The following CBR4 variants were observed in gnomAD, a reference collection of about 807,000 sequenced individuals.
The protein encoded by CBR4 is carbonyl reductase 4.
CBR4 carries 22 observed loss-of-function variants against 21.0 expected under a neutral mutation model. The ratio of observed to expected loss-of-function variants is 1.05; its 90% CI spans 0.75 to 1.50. The LOEUF is 1.50. Ranked by LOEUF, CBR4 falls within the 40% of genes most tolerant of loss-of-function variation. The pLI is 0.00. For synonymous variants in CBR4, 100 were observed against 104.4 expected (o/e 0.96, Z 0.26); for missense variants, 302 against 286.3 (o/e 1.05, Z -0.40).
At chr4:168,905,408 A>G (rs1757509411) in intron 2 of CBR4, among the ~76,000 whole-genome samples, 1 of 151,650 alleles carries the variant, frequency 6.6e-6, no homozygotes. Context: ...TCGGCCTCCC[A>G]AAGTGTTAGC....
chr4:168,947,861 A>G (rs922728704), intron 2 of CBR4, among the ~76,000 whole-genome samples: 1 of 152,200 alleles, frequency 6.6e-6, no homozygotes, highest in Non-Finnish European at 1.5e-5. Flanking sequence ...TCTTTTTCAT[A>G]TAATGACTTC....
chr4:168,971,369 A>G (rs950152157), intron 2 of CBR4, among the ~76,000 whole-genome samples: 2 of 151,698 alleles, frequency 1.3e-5, no homozygotes, highest in African/African-American at 4.8e-5. Flanking sequence ...CCCAGGTTCA[A>G]GCAATCCTCC....
chr4:168,898,748 T>C (rs1369883850), intron 2 of CBR4: 20 of 1,405,580 alleles, frequency 1.4e-5, no homozygotes, highest in Non-Finnish European at 1.9e-5. Context: ...TTAAGAGTCA[T>C]TCTCTGAGGA....
Position 169,009,272 on chromosome 4 carries a change from A to G in CBR4, c.142+676T>C, listed in dbSNP as rs150857323. 4.9e-3 allele frequency among the ~76,000 whole-genome samples: 739 copies of G among 152,340 alleles called. 6 individuals are homozygous for G. The highest frequency in any genetic ancestry group is 5.5e-3 in the Admixed American group (84 of 15,306). Reference sequence around the variant, plus strand: ...TCACAAAATGACTAATCCATTCATAATAAGCCGGAAATAAAAAACCCTGAA... The same window carrying G: ...TCACAAAATGACTAATCCATTCATAGTAAGCCGGAAATAAAAAACCCTGAA... On this transcript the variant is annotated intron_variant, in intron 1 of 4. Coordinates refer to ENST00000306193, the MANE Select transcript of CBR4 (RefSeq NM_032783.5).
chr4:168,924,346 A>T lies in CBR4; in HGVS notation n.170-29581T>A, dbSNP rs781516286. 3.5e-5 allele frequency: 56 copies of T among 1,613,862 alleles called. No homozygotes were observed. In the South Asian group the frequency reaches 6.0e-4, roughly 17 times the overall value. The stretch of plus-strand genomic sequence containing the variant: ...ACCCAGTGCGGCTGGAATGTCGTGT[A>T]TTGGGAGTGCCACCACCTCAGATAT... On this transcript the variant is annotated intron_variant and non_coding_transcript_variant, in intron 2 of 3. Transcript: ENST00000509108.
At chr4:168,915,307 C>G (rs954618567) in intron 2 of CBR4, among the ~76,000 whole-genome samples, 2 of 152,162 alleles carry the variant, frequency 1.3e-5, no homozygotes, top group African/African-American at 4.8e-5. Flanking sequence ...AAAGGTTTCT[C>G]TGGCAACCTT....
At chr4:169,003,577 T>TA (rs1229246213) in intron 3 of CBR4, among the ~76,000 whole-genome samples, 1 of 152,242 alleles carries the variant, frequency 6.6e-6, no homozygotes, top group African/African-American at 2.4e-5. Flanking sequence ...CTCCAATTTT[T>TA]AAAGATCTAC....
At chr4:168,963,454 A>C (rs1763921212) in intron 2 of CBR4, among the ~76,000 whole-genome samples, 1 of 151,734 alleles carries the variant, frequency 6.6e-6, no homozygotes. Context: ...GCAAATTCAG[A>C]AACTCCTGTA....
rs913312324 is a variant in CBR4 at position 168,987,787 on chromosome 4, C to T, written c.*2363G>A. The T allele has an allele frequency of 3.0e-6, 3 of 984,016 alleles. No individual in the cohort carries two copies. In the Admixed American group the frequency reaches 1.8e-4, roughly 61 times the overall value. The allele number at this position is 984,016 out of a possible 1,614,324, so 61.0% of individuals were successfully genotyped here. ...AACAGAAGCACGTAAATTAAATTAT[C>T]CTCTTTGCACAATTATTCCCCCCAA... On this transcript the variant is annotated 3_prime_UTR_variant, in exon 5 of 5. Transcript: ENST00000306193.
At chr4:169,006,997 C>T (rs564831219) in intron 2 of CBR4, 106 bp from the exon 3 acceptor site, 2 of 856,464 alleles carry the variant, frequency 2.3e-6, no homozygotes, top group East Asian at 4.8e-5. Context: ...TGCTTCCTAT[C>T]TGAGCTAGAA....
intron 3 of CBR4, among the ~76,000 whole-genome samples, chr4:169,004,231 T>C (rs1366033036): frequency 6.6e-6 from 1 of 152,216 alleles, no homozygotes; most frequent in Non-Finnish European, 1.5e-5. Flanking sequence ...ATCATTAGCA[T>C]TTTTTAGCAA....
At chr4:168,953,383 A>G (rs950226352) in intron 2 of CBR4, among the ~76,000 whole-genome samples, 3 of 151,966 alleles carry the variant, frequency 2.0e-5, no homozygotes, top group African/African-American at 7.3e-5. Context: ...TAAACAGTAG[A>G]TTTAGAGGCT....
At chr4:168,986,432 T>G (rs1248784561), downstream of CBR4, among the ~76,000 whole-genome samples, 5 of 152,204 alleles carry the variant, frequency 3.3e-5, no homozygotes, top group African/African-American at 1.2e-4. Context: ...AATAAGAGCT[T>G]CTCATTTTTA....
chr4:168,899,241 A>G (rs1300533356), intron 2 of CBR4, among the ~76,000 whole-genome samples: 12 of 152,212 alleles, frequency 7.9e-5, no homozygotes, highest in Non-Finnish European at 1.8e-4. Context: ...ATGCAGGACT[A>G]GGATGACCTG....
chr4:168,998,889 A>C (rs1043990551), intron 4 of CBR4, among the ~76,000 whole-genome samples: 1 of 152,176 alleles, frequency 6.6e-6, no homozygotes, highest in African/African-American at 2.4e-5. Context: ...GAAACTTTGT[A>C]GTTAACAGCA....
chr4:168,947,950 C>T (rs941352101), intron 2 of CBR4, among the ~76,000 whole-genome samples: 6 of 152,162 alleles, frequency 3.9e-5, no homozygotes, highest in Non-Finnish European at 8.8e-5. Flanking sequence ...AAGGAATCTC[C>T]ACACTGTTTT....
chr4:168,901,307 T>TA (rs1176298593), intron 2 of CBR4, among the ~76,000 whole-genome samples: 2 of 152,240 alleles, frequency 1.3e-5, no homozygotes, highest in African/African-American at 2.4e-5. Context: ...ATGCTTGTTC[T>TA]AGTTGAGCCA....
chr4:168,982,617 G>A (rs755193418), downstream of CBR4, among the ~76,000 whole-genome samples: 9 of 151,940 alleles, frequency 5.9e-5, no homozygotes, highest in Non-Finnish European at 1.2e-4. Context: ...CAGAATATAC[G>A]TTCTTCTCAT....
intron 2 of CBR4, among the ~76,000 whole-genome samples, chr4:168,912,325 A>G (rs1759138082): frequency 1.3e-5 from 2 of 152,222 alleles, no homozygotes; most frequent in African/African-American, 4.8e-5. Flanking sequence ...CATTGATGGT[A>G]CATCTGCTTC....
Sources: allele counts gnomAD v4.1 joint callset (sites outside exome capture counted in the v4.1 genomes callset), GRCh38; gene constraint gnomAD v4.1.1; transcripts MANE v1.5; gene names NCBI Gene and HGNC (gene_info 2026-07-23, HGNC 2026-07-21).